Variants in PACS1 observed in about 807,000 individuals in gnomAD.
PACS1 encodes phosphofurin acidic cluster sorting protein 1.
Under a neutral mutation model 115.0 loss-of-function variants are expected in PACS1, and 24 were observed. The observed-to-expected ratio is 0.21, with a 90% CI of 0.15 to 0.29. PACS1 has a LOEUF of 0.29. Among genes scored for constraint, PACS1 ranks in the 10% least tolerant of loss-of-function variants. The pLI is 1.00. For missense variants in PACS1, 838 were observed against 1,251.2 expected (o/e 0.67, Z 4.98); for synonymous variants, 453 against 504.5 (o/e 0.90, Z 1.37).
chr11:66,131,295 C>T (rs1319745735), intron 1 of PACS1, among the ~76,000 whole-genome samples: 4 of 152,090 alleles, frequency 2.6e-5, no homozygotes, highest in Non-Finnish European at 5.9e-5. Flanking sequence ...GTGAGTTTGG[C>T]AGGTTTCACA....
chr11:66,163,469 C>A (rs990511847), intron 1 of PACS1, among the ~76,000 whole-genome samples: 4 of 151,670 alleles, frequency 2.6e-5, no homozygotes, highest in Admixed American at 2.6e-4. Context: ...TTTTGTATTG[C>A]TGCTAACATT....
intron 1 of PACS1, among the ~76,000 whole-genome samples, chr11:66,187,858 T>G (rs1854420124): frequency 6.6e-6 from 1 of 152,198 alleles, no homozygotes; most frequent in Non-Finnish European, 1.5e-5. Flanking sequence ...GGTAGTTTTA[T>G]TTGTAGTTTT....
intron 1 of PACS1, among the ~76,000 whole-genome samples, chr11:66,093,753 GCACCA>G (rs1414546589): frequency 6.6e-6 from 1 of 150,560 alleles, no homozygotes; most frequent in Non-Finnish European, 1.5e-5. Flanking sequence ...ATTTTTTTCA[GCACCA>G]CACCACACCT....
chr11:66,140,127 C>T (rs1858944026), intron 1 of PACS1, among the ~76,000 whole-genome samples: 1 of 152,198 alleles, frequency 6.6e-6, no homozygotes, highest in African/African-American at 2.4e-5. Context: ...CAGTGCTTCT[C>T]AAACTCTAAT....
At chr11:66,088,091 T>C (rs771396281) in intron 1 of PACS1, among the ~76,000 whole-genome samples, 4 of 152,124 alleles carry the variant, frequency 2.6e-5, no homozygotes, top group Non-Finnish European at 4.4e-5. Context: ...TGTCTCTCTG[T>C]TTCTTATTTA....
At chr11:66,175,554 A>C (rs1162366408) in intron 1 of PACS1, among the ~76,000 whole-genome samples, 2 of 152,090 alleles carry the variant, frequency 1.3e-5, no homozygotes, top group Non-Finnish European at 2.9e-5. Context: ...CTTTTCTTTT[A>C]CACTTTCACT....
chr11:66,226,942 A>G (rs1435629426), intron 10 of PACS1, among the ~76,000 whole-genome samples: 1 of 152,222 alleles, frequency 6.6e-6, no homozygotes, highest in African/African-American at 2.4e-5. Context: ...AAATGCTAAT[A>G]AGAGTTGGGG....
chr11:66,219,931 T>A, intron 8 of PACS1, 126 bp downstream of exon 8: 1 of 773,996 alleles, frequency 1.3e-6, no homozygotes, highest in Non-Finnish European at 2.3e-6. Context: ...CTGCTCCCCG[T>A]GGCATACCTG....
chr11:66,180,168 A>C (rs759416519), intron 1 of PACS1, among the ~76,000 whole-genome samples: 13 of 151,902 alleles, frequency 8.6e-5, no homozygotes, highest in Non-Finnish European at 1.8e-4. Context: ...ATTTGATATT[A>C]TCTTGGCTGA....
In PACS1 at chr11:66,232,945, C is replaced by G. The variant is rs1855628622; in HGVS notation, c.1732-15C>G. The G allele has an allele frequency of 6.3e-7, 1 of 1,594,018 alleles. No individual in the cohort carries two copies. On this transcript the variant is annotated splice_polypyrimidine_tract_variant and intron_variant, in intron 14 of 23. Transcript: ENST00000320580. The stretch of plus-strand genomic sequence containing the variant: ...TTCTCACCTGTGTCCCTGCTCTCCT[C>G]CCTCCCTATCCCAGTATGTGGCTGA...
intron 1 of PACS1, among the ~76,000 whole-genome samples, chr11:66,172,143 T>C (rs1859755044): frequency 6.6e-6 from 1 of 152,212 alleles, no homozygotes; most frequent in South Asian, 2.1e-4. Flanking sequence ...TCCCTATATT[T>C]TTACAGTTTT....
chr11:66,211,334 G>A lies in PACS1; in HGVS notation c.660+75G>A, dbSNP rs1313883423. Reference sequence around the variant, plus strand: ...AAGGGACACCCCAGCCCAGCCAGTTGAGCCTTCCAGATGATTTTCCCAGCC... The same window carrying A: ...AAGGGACACCCCAGCCCAGCCAGTTAAGCCTTCCAGATGATTTTCCCAGCC... On this transcript the variant is annotated intron_variant, in intron 4 of 23. Coordinates refer to ENST00000320580, the MANE Select transcript of PACS1 (RefSeq NM_018026.4). 2.7e-6 allele frequency: 4 copies of A among 1,502,932 alleles called. No homozygotes were observed. In the Admixed American group the frequency reaches 6.0e-5, roughly 22 times the overall value. The allele number at this position is 1,502,932 out of a possible 1,614,324, so 93.1% of individuals were successfully genotyped here.
At chr11:66,226,024 T>G (rs1332699565) in intron 10 of PACS1, among the ~76,000 whole-genome samples, 1 of 152,042 alleles carries the variant, frequency 6.6e-6, no homozygotes, top group Non-Finnish European at 1.5e-5. Flanking sequence ...ATACAAAAAT[T>G]AGGCAGGCAT....
intron 10 of PACS1, among the ~76,000 whole-genome samples, chr11:66,226,913 A>C (rs528075969): frequency 6.6e-6 from 1 of 152,348 alleles, no homozygotes; most frequent in Admixed American, 6.5e-5. Context: ...TTGCAAAGGA[A>C]ATTTTTAATA....
At chr11:66,242,240 T>C (rs1052877026) in intron 22 of PACS1, among the ~76,000 whole-genome samples, 17 of 152,264 alleles carry the variant, frequency 1.1e-4, no homozygotes, top group Admixed American at 7.2e-4. Flanking sequence ...CCACCGTTGG[T>C]GCCAGCTGGG....
chr11:66,217,684 T>G, intron 7 of PACS1: 1 of 450,760 alleles, frequency 2.2e-6, no homozygotes, highest in South Asian at 1.6e-5. Flanking sequence ...GAGGACTGTT[T>G]CCTTGTCCTC....
intron 13 of PACS1, among the ~76,000 whole-genome samples, chr11:66,231,639 A>G (rs989673824): frequency 6.6e-6 from 1 of 152,078 alleles, no homozygotes; most frequent in African/African-American, 2.4e-5. Context: ...ATGGCTGAAA[A>G]TGAACTTGAG....
At position 66,209,990 on chromosome 11, in the gene PACS1, G is replaced by T. The variant is rs191986712; in HGVS notation, c.445-372G>T. Among the ~76,000 whole-genome samples the T allele has an allele frequency of 5.9e-5, 9 of 151,840 alleles. 1 individual carries two copies. Among genetic ancestry groups the T allele is most frequent in the Admixed American group, 5.9e-4 (9 of 15,248 alleles). On this transcript the variant is annotated intron_variant, in intron 2 of 23. Coordinates refer to ENST00000320580, the MANE Select transcript of PACS1 (RefSeq NM_018026.4). ...GCAAACATAGTATTTCTTTTGGTCTGATTTTTGGTGACACAGCTTTGACAG... is the reference window on the plus strand; with the variant it reads ...GCAAACATAGTATTTCTTTTGGTCTTATTTTTGGTGACACAGCTTTGACAG...
intron 1 of PACS1, among the ~76,000 whole-genome samples, chr11:66,153,926 AAC>A (rs1348888057): frequency 5.3e-5 from 8 of 152,338 alleles, no homozygotes; most frequent in South Asian, 2.1e-4. Flanking sequence ...ACACACTTTA[AAC>A]ACAGAGACAC....
Sources: allele counts gnomAD v4.1 joint callset (sites outside exome capture counted in the v4.1 genomes callset), GRCh38; gene constraint gnomAD v4.1.1; transcripts MANE v1.5; gene names NCBI Gene and HGNC (gene_info 2026-07-23, HGNC 2026-07-21).